Variants in SUSD4 observed in about 807,000 individuals in gnomAD.
The protein encoded by SUSD4 is sushi domain containing 4, also known as sushi domain-containing protein 4.
In SUSD4, 41 loss-of-function variants were observed where a neutral mutation model predicts 50.5. That is an observed-to-expected ratio of 0.81 (90% CI 0.63 to 1.05). The LOEUF (loss-of-function observed/expected upper bound fraction) is 1.05, where lower values mean the gene tolerates loss of function less well. Ranked by LOEUF, SUSD4 falls within the 50% of genes least tolerant of loss-of-function variation. The pLI is 0.00. For synonymous variants in SUSD4, 257 were observed against 257.3 expected (o/e 1.00, Z 0.01); for missense variants, 580 against 634.7 (o/e 0.91, Z 0.93).
At chr1:223,248,290 C>A (rs555461974) in intron 5 of SUSD4, among the ~76,000 whole-genome samples, 3 of 152,294 alleles carry the variant, frequency 2.0e-5, no homozygotes, top group African/African-American at 7.2e-5. Context: ...CAAGACAGCC[C>A]AGCATGTTGT....
chr1:223,363,370 T>C lies in SUSD4; in HGVS notation c.56A>G (p.Gln19Arg). The stretch of plus-strand genomic sequence containing the variant: ...CTGGGGGGACTGAGGTTGCTGCTGC[T>C]GCTGCTGCTGCTCTAGAAATCCATC... ...NGDGFLEQQQQQQQPQSPQRL... is the reference protein window; with the variant it reads ...NGDGFLEQQQRQQQPQSPQRL... The change falls in exon 2 of 9, where the codon CAG (glutamine) becomes CGG (arginine). Residue 19 changes from glutamine to arginine, a missense_variant. By Grantham distance (43) the Gln-to-Arg change is conservative. Transcript: ENST00000366878. 6.3e-7 allele frequency: 1 copy of C among 1,596,644 alleles called. No individual in the cohort carries two copies. Among genetic ancestry groups the C allele is most frequent in the Middle Eastern group, 1.7e-4 (1 of 6,042 alleles).
intron 5 of SUSD4, among the ~76,000 whole-genome samples, chr1:223,263,005 T>G (rs889049326): frequency 7.2e-5 from 11 of 152,234 alleles, no homozygotes; most frequent in Non-Finnish European, 1.3e-4. Flanking sequence ...TCATATTCTC[T>G]AGTCTCCATA....
intron 5 of SUSD4, among the ~76,000 whole-genome samples, chr1:223,237,328 T>C (rs1231428783): frequency 1.3e-5 from 2 of 152,058 alleles, no homozygotes; most frequent in Admixed American, 1.3e-4. Flanking sequence ...TTCCAATCTA[T>C]ATATCTTTTA....
chr1:223,274,391 G>T (rs1663121137), intron 3 of SUSD4, among the ~76,000 whole-genome samples: 1 of 152,196 alleles, frequency 6.6e-6, no homozygotes, highest in Non-Finnish European at 1.5e-5. Context: ...TTTGCTTTGT[G>T]AGCAGGGCTG....
intron 5 of SUSD4, chr1:223,235,134 G>C: frequency 6.4e-7 from 1 of 1,560,310 alleles, no homozygotes; most frequent in Non-Finnish European, 8.6e-7. Context: ...GAAAACATAA[G>C]AAGACTATTT....
intron 2 of SUSD4, among the ~76,000 whole-genome samples, chr1:223,325,567 G>A (rs1172681411): frequency 6.6e-6 from 1 of 152,166 alleles, no homozygotes; most frequent in African/African-American, 2.4e-5. Flanking sequence ...AATTGGAAAA[G>A]AGGAAGTCAA....
At chr1:223,275,108 A>C (rs1460074796) in intron 3 of SUSD4, among the ~76,000 whole-genome samples, 1 of 152,248 alleles carries the variant, frequency 6.6e-6, no homozygotes, top group East Asian at 1.9e-4. Context: ...TGTCTTTCCC[A>C]GTTCATCTGG....
Position 223,227,512 on chromosome 1 carries a change from C to G in SUSD4, c.1061+82G>C. ...TTCCCTTTAGAGCTTCAACTTTTCA[C>G]TCATCACTTTCTCCCTCTGCTGCTA... On this transcript the variant is annotated intron_variant, in intron 7 of 8. Transcript: ENST00000366878. The surrounding 1 kb of genome is among the most constrained non-coding windows in gnomAD (Gnocchi z 4.5). 3.3e-6 allele frequency: 5 copies of G among 1,534,238 alleles called. No individual in the cohort carries two copies. The highest frequency in any genetic ancestry group is 4.4e-6 in the Non-Finnish European group (5 of 1,129,684).
chr1:223,292,685 A>T lies in SUSD4; in HGVS notation c.149-34T>A, dbSNP rs200677112. The stretch of plus-strand genomic sequence containing the variant: ...ACAAAGAGAGGAAAAGGTGCCTATG[A>T]ATATGTTCTCTCAATGCCAAGGGCC... On this transcript the variant is annotated intron_variant, in intron 2 of 8. Coordinates refer to ENST00000366878, the MANE Select transcript of SUSD4 (RefSeq NM_017982.4). The T allele has an allele frequency of 5.6e-6, 9 of 1,607,112 alleles. No homozygotes were observed. In the Admixed American group the frequency reaches 1.2e-4, roughly 21 times the overall value.
chr1:223,259,761 T>A (rs1490579055), intron 5 of SUSD4, among the ~76,000 whole-genome samples: 1 of 152,184 alleles, frequency 6.6e-6, no homozygotes, highest in Non-Finnish European at 1.5e-5. Flanking sequence ...CTGCCCCGTG[T>A]GTGTCTGTGT....
At chr1:223,354,689 C>T (rs531417854) in intron 2 of SUSD4, among the ~76,000 whole-genome samples, 14 of 152,302 alleles carry the variant, frequency 9.2e-5, no homozygotes, top group Admixed American at 5.2e-4. Context: ...CATTGACACT[C>T]AGAGTTGGTT....
chr1:223,254,436 T>C (rs1661547583), intron 5 of SUSD4, among the ~76,000 whole-genome samples: 1 of 152,098 alleles, frequency 6.6e-6, no homozygotes, highest in South Asian at 2.1e-4. Flanking sequence ...TTAATGGTTG[T>C]GTTTCCACCA....
intron 2 of SUSD4, among the ~76,000 whole-genome samples, chr1:223,347,720 C>T (rs901349270): frequency 1.3e-5 from 2 of 151,538 alleles, no homozygotes; most frequent in African/African-American, 4.9e-5. Flanking sequence ...TAATCTAAGG[C>T]GCTATTTTAC....
chr1:223,264,392 G>A (rs959021447), intron 5 of SUSD4: 45 of 1,217,322 alleles, frequency 3.7e-5, no homozygotes, highest in Middle Eastern at 3.2e-4. Flanking sequence ...TTTAATGTTC[G>A]CAACTTTTTC....
intron 2 of SUSD4, among the ~76,000 whole-genome samples, chr1:223,323,378 C>T (rs1026610237): frequency 2.0e-5 from 3 of 152,162 alleles, no homozygotes; most frequent in African/African-American, 7.2e-5. Context: ...TCCACATCAA[C>T]ATGAGATGTC....
At chr1:223,305,644 C>T (rs971407637) in intron 2 of SUSD4, among the ~76,000 whole-genome samples, 7 of 152,172 alleles carry the variant, frequency 4.6e-5, no homozygotes, top group African/African-American at 1.7e-4. Context: ...AAAAGCAGTA[C>T]CCCTTGGGAA....
At chr1:223,240,691 G>A (rs371337255) in intron 5 of SUSD4, among the ~76,000 whole-genome samples, 10 of 151,966 alleles carry the variant, frequency 6.6e-5, no homozygotes, top group African/African-American at 2.4e-4. Flanking sequence ...CCATTTTTTT[G>A]TGCATGCTGA....
rs369126563 is a variant in SUSD4 at position 223,363,582 on chromosome 1, C to T, written c.-35-122G>A. On this transcript the variant is annotated intron_variant, in intron 1 of 8. Coordinates refer to ENST00000366878, the MANE Select transcript of SUSD4 (RefSeq NM_017982.4). ...CCAGGCTCCATCCTGGTTCCTCCCCCGCGCGGCCCCCGCCCCCTTTCCCAC... is the reference window on the plus strand; with the variant it reads ...CCAGGCTCCATCCTGGTTCCTCCCCTGCGCGGCCCCCGCCCCCTTTCCCAC... The T allele has an allele frequency of 3.8e-5, 45 of 1,194,922 alleles. 3 individuals carry two copies. In the South Asian group the frequency reaches 7.8e-4, roughly 21 times the overall value. 74.0% of individuals were successfully genotyped at this position (1,194,922 alleles called of 1,614,324 possible).
chr1:223,308,760 T>G (rs1248551317), intron 2 of SUSD4, among the ~76,000 whole-genome samples: 1 of 152,114 alleles, frequency 6.6e-6, no homozygotes, highest in Non-Finnish European at 1.5e-5. Context: ...GGGAGCCAGA[T>G]CTCTAATCTG....
Sources: allele counts gnomAD v4.1 joint callset (sites outside exome capture counted in the v4.1 genomes callset), GRCh38; gene constraint gnomAD v4.1.1; non-coding constraint Gnocchi (gnomAD v3.1); transcripts MANE v1.5; gene names NCBI Gene and HGNC (gene_info 2026-07-23, HGNC 2026-07-21).